SYCE1: variants seen among roughly 807,000 people sequenced by gnomAD.
SYCE1 encodes synaptonemal complex central element protein 1.
Under a neutral mutation model 55.1 loss-of-function variants are expected in SYCE1, and 37 were observed. The ratio of observed to expected loss-of-function variants is 0.67; its 90% CI spans 0.52 to 0.88. SYCE1 has a LOEUF of 0.88. SYCE1 is among the 40% of genes least tolerant of loss of function. The pLI is 0.00. For synonymous variants in SYCE1, 163 were observed against 159.4 expected (o/e 1.02, Z -0.17); for missense variants, 399 against 416.4 (o/e 0.96, Z 0.36).
intron 11 of SYCE1, 26 bp downstream of exon 11, chr10:133,555,571 T>A: frequency 6.2e-7 from 1 of 1,602,100 alleles, no homozygotes. Context: ...TGGTGGGGGT[T>A]GCGGGGACAG....
intron 8 of SYCE1, chr10:133,556,531 G>A (rs951008280): frequency 8.4e-6 from 5 of 593,160 alleles, no homozygotes; most frequent in East Asian, 2.9e-5. Context: ...ACACATCCAC[G>A]GACAGTGATG....
intron 4 of SYCE1, 53 bp from the exon 5 acceptor site, chr10:133,558,267 G>T: frequency 6.3e-7 from 1 of 1,595,008 alleles, no homozygotes; most frequent in South Asian, 1.1e-5. Context: ...GCACCCTCAG[G>T]GATGGGGCTT....
At chr10:133,556,205 G>A (rs1014140504) in intron 8 of SYCE1, 158 bp from the exon 9 acceptor site, 3 of 763,252 alleles carry the variant, frequency 3.9e-6, no homozygotes, top group Admixed American at 2.6e-5. Flanking sequence ...CAGGGCCATG[G>A]CACTGGCCAT....
chr10:133,558,753 G>T, intron 4 of SYCE1, 124 bp downstream of exon 4: 1 of 903,824 alleles, frequency 1.1e-6, no homozygotes, highest in South Asian at 1.6e-5. Context: ...GAGATTGGCA[G>T]GACATGAGGC....
chr10:133,556,619 G>C, intron 8 of SYCE1, 140 bp downstream of exon 8: 1 of 842,292 alleles, frequency 1.2e-6, no homozygotes, highest in African/African-American at 1.6e-5. Context: ...CAAGGGACTG[G>C]ATTCAGGCAA....
chr10:133,568,213 C>T (rs1564861811), upstream of SYCE1: 2 of 1,202,872 alleles, frequency 1.7e-6, no homozygotes, highest in Non-Finnish European at 1.2e-6. Context: ...CGAGCCGGTC[C>T]TGTTGCCTCC....
intron 3 of SYCE1, 75 bp from the exon 4 acceptor site, chr10:133,559,026 C>G: frequency 2.7e-6 from 4 of 1,463,236 alleles, no homozygotes; most frequent in Non-Finnish European, 3.7e-6. Context: ...TTCTCATTTG[C>G]CTTCAGGTAA....
At chr10:133,556,897 C>A in intron 7 of SYCE1, 75 bp from the exon 8 acceptor site, 1 of 1,576,388 alleles carries the variant, frequency 6.3e-7, no homozygotes, top group East Asian at 2.3e-5. Flanking sequence ...GTCTGTGGTT[C>A]TTCAGGCAGA....
chr10:133,559,220 G>T, intron 3 of SYCE1, 81 bp downstream of exon 3: 1 of 1,459,114 alleles, frequency 6.9e-7, no homozygotes, highest in South Asian at 1.1e-5. Flanking sequence ...TTGGAACAAG[G>T]GACCCTGCAT....
chr10:133,554,640 T>A (rs770490676), downstream of SYCE1: 12 of 726,356 alleles, frequency 1.7e-5, no homozygotes, highest in East Asian at 2.6e-4. Context: ...TCCTCATTTT[T>A]AATTTTTTTT....
intron 5 of SYCE1, 86 bp from the exon 6 acceptor site, chr10:133,558,004 T>C (rs1187131756): frequency 1.3e-6 from 2 of 1,554,014 alleles, no homozygotes; most frequent in Non-Finnish European, 1.8e-6. Context: ...ATGTCAGGTC[T>C]GTGGACACCT....
At chr10:133,566,175 C>T (rs1851930504), upstream of SYCE1, among the ~76,000 whole-genome samples, 1 of 152,188 alleles carries the variant, frequency 6.6e-6, no homozygotes, top group Admixed American at 6.5e-5. Context: ...CCGTGGAGGC[C>T]CGGAGGGCCC....
chr10:133,555,293 C>A, intron 12 of SYCE1, 58 bp downstream of exon 12: 1 of 1,608,772 alleles, frequency 6.2e-7, no homozygotes, highest in South Asian at 1.1e-5. Context: ...CCTCCCGCCC[C>A]TTCCGCTGTC....
intron 7 of SYCE1, 83 bp downstream of exon 7, chr10:133,556,984 G>T: frequency 1.3e-6 from 2 of 1,507,664 alleles, no homozygotes; most frequent in Admixed American, 1.7e-5. Flanking sequence ...GCTCAGTGTA[G>T]CCAGCTTTTC....
chr10:133,561,361 G>T (rs544774128), intron 1 of SYCE1: 1 of 152,310 alleles, frequency 6.6e-6, no homozygotes, highest in African/African-American at 2.4e-5. Flanking sequence ...AATATGACAA[G>T]TTGCTGAGTT....
In SYCE1 at chr10:133,555,333, C is replaced by T; in HGVS notation, c.918+18G>A. ...CAGTAGCTGTTTCTGTTCCCTGACG[C>T]CCACTTCTGGGGCTTACCACATCTC... On this transcript the variant is annotated intron_variant, in intron 12 of 12. Transcript: ENST00000343131. The T allele has an allele frequency of 1.2e-6, 2 of 1,613,664 alleles. No homozygotes were observed. Among genetic ancestry groups the T allele is most frequent in the South Asian group, 2.2e-5 (2 of 91,060 alleles).
upstream of SYCE1, among the ~76,000 whole-genome samples, chr10:133,565,901 G>A (rs572344924): frequency 6.6e-6 from 1 of 152,342 alleles, no homozygotes; most frequent in East Asian, 1.9e-4. Flanking sequence ...AAGTGTGCGT[G>A]TCTGACGGAT....
chr10:133,555,128 G>A lies in SYCE1; in HGVS notation c.920C>T (p.Ala307Val), dbSNP rs1851624918. 6.5e-7 allele frequency: 1 copy of A among 1,546,744 alleles called. No homozygotes were observed. Among genetic ancestry groups the A allele is most frequent in the South Asian group, 1.2e-5 (1 of 83,260 alleles). The change falls in exon 13 of 13, where the codon GCC (alanine) becomes GTC (valine). Residue 307 changes from alanine (A) to valine (V), a missense_variant and splice_region_variant. Coordinates refer to ENST00000343131, the MANE Select transcript of SYCE1 (RefSeq NM_001143764.3). ...TTCTCCTTTTAGGGGCTTGGGACTG[G>A]CCTGCAGGAGGTTAGTGTCCAGGGT... is the stretch of plus-strand genomic sequence containing the variant. ...QEEEAGPGDV[A>V]SPKPLKGERP...
intron 8 of SYCE1, 148 bp downstream of exon 8, chr10:133,556,611 A>G: frequency 1.3e-6 from 1 of 786,188 alleles, no homozygotes; most frequent in Non-Finnish European, 2.1e-6. Flanking sequence ...GGAGGTGACA[A>G]GGGACTGGAT....
Sources: gnomAD v4.1 joint callset for allele counts (sites outside exome capture counted in the v4.1 genomes callset) on GRCh38, gnomAD v4.1.1 for gene constraint, MANE v1.5 for transcripts, NCBI Gene and HGNC (gene_info 2026-07-23, HGNC 2026-07-21) for gene names.